Variants in ARHGAP10 observed in about 807,000 individuals in gnomAD.
ARHGAP10 encodes Rho GTPase activating protein 10, also known as rho GTPase-activating protein 10.
A neutral mutation model predicts 108.6 loss-of-function variants in ARHGAP10; 87 were observed. The ratio of observed to expected loss-of-function variants is 0.80; its 90% CI spans 0.67 to 0.96. ARHGAP10 has a LOEUF of 0.96. Among genes scored for constraint, ARHGAP10 ranks in the 40% least tolerant of loss-of-function variants. The pLI is 0.00. For synonymous variants in ARHGAP10, 347 were observed against 341.1 expected, an observed-to-expected ratio of 1.02 and a Z score of -0.19; for missense variants, 939 against 954.5, an observed-to-expected ratio of 0.98 and a Z score of 0.21.
intron 19 of ARHGAP10, among the ~76,000 whole-genome samples, chr4:148,032,147 T>A (rs1728174905): frequency 6.6e-6 from 1 of 152,062 alleles, no homozygotes; most frequent in Non-Finnish European, 1.5e-5. Context: ...AATAATATAT[T>A]ACCATATATG....
chr4:148,018,607 C>G (rs937721110), intron 18 of ARHGAP10, among the ~76,000 whole-genome samples: 1 of 150,612 alleles, frequency 6.6e-6, no homozygotes, highest in African/African-American at 2.4e-5. Context: ...ACTGGGGGCA[C>G]TGGAAGACAA....
chr4:147,734,577 A>G (rs745412245), intron 1 of ARHGAP10, among the ~76,000 whole-genome samples: 3 of 152,144 alleles, frequency 2.0e-5, no homozygotes, highest in East Asian at 1.9e-4. Context: ...TCTAGTTCCT[A>G]TCAAAGACTA....
intron 4 of ARHGAP10, 40 bp downstream of exon 4, chr4:147,847,262 C>T (rs757262672): frequency 2.6e-6 from 4 of 1,512,252 alleles, no homozygotes; most frequent in Non-Finnish European, 3.7e-6. Flanking sequence ...AACATAGATG[C>T]CTCTGCTGCT....
chr4:148,006,207 T>C (rs1740943168), intron 18 of ARHGAP10, among the ~76,000 whole-genome samples: 1 of 152,160 alleles, frequency 6.6e-6, no homozygotes, highest in Non-Finnish European at 1.5e-5. Context: ...AGGAAGCCCA[T>C]GCTCACCGTG....
At chr4:147,901,914 G>T (rs1736265290) in intron 10 of ARHGAP10, among the ~76,000 whole-genome samples, 1 of 152,100 alleles carries the variant, frequency 6.6e-6, no homozygotes, top group South Asian at 2.1e-4. Context: ...AACTTTAGGG[G>T]AAAACAAAAA....
chr4:147,907,044 A>G (rs1325428775), intron 11 of ARHGAP10, among the ~76,000 whole-genome samples: 1 of 152,178 alleles, frequency 6.6e-6, no homozygotes, highest in African/African-American at 2.4e-5. Context: ...AATGCCTGCA[A>G]TGCATTTTGA....
intron 18 of ARHGAP10, among the ~76,000 whole-genome samples, chr4:147,967,317 C>T (rs1475893591): frequency 6.6e-6 from 1 of 152,316 alleles, no homozygotes; most frequent in Admixed American, 6.5e-5. Flanking sequence ...TGAAGCCAGC[C>T]CCTGCTCTGC....
intron 1 of ARHGAP10, among the ~76,000 whole-genome samples, chr4:147,749,204 C>G (rs1729047895): frequency 6.6e-6 from 1 of 152,096 alleles, no homozygotes; most frequent in Admixed American, 6.5e-5. Flanking sequence ...GACTGTGATT[C>G]CTGTAGCTTG....
intron 20 of ARHGAP10, among the ~76,000 whole-genome samples, chr4:148,050,300 A>C (rs1729074143): frequency 1.4e-5 from 2 of 139,134 alleles, no homozygotes; most frequent in South Asian, 2.3e-4. Flanking sequence ...TGGAAATCTC[A>C]TTTCTTTCTC....
chr4:147,732,247 C>G lies in ARHGAP10; in HGVS notation c.-55C>G. 6.7e-7 allele frequency: 1 copy of G among 1,487,516 alleles called. No individual in the cohort carries two copies. The highest frequency in any genetic ancestry group is 8.9e-7 in the Non-Finnish European group (1 of 1,127,696). The allele number at this position is 1,487,516 out of a possible 1,614,324, so 92.1% of individuals were successfully genotyped here. A position where few individuals can be genotyped will look rare whatever the true frequency, so the allele number is the denominator to read the frequency against. On this transcript the variant is annotated 5_prime_UTR_variant, in exon 1 of 23. Transcript: ENST00000336498. ...GCCGCACCTGGCAGCGGCCTCGGAG[C>G]TCGGCTCGGGCAGGAGCGCGCGGCC...
rs1297784123 is a variant in ARHGAP10 at position 148,072,489 on chromosome 4, A to G, written c.*408A>G. On this transcript the variant is annotated 3_prime_UTR_variant, in exon 23 of 23. Transcript: ENST00000336498. The stretch of plus-strand genomic sequence containing the variant: ...CTGCGATTTTAAAGGGAACTGTACT[A>G]CTCGCAGTGATAGGTTTGCAGAGTG... 1 of 171,594 alleles carries G rather than the reference A, an allele frequency of 5.8e-6. No homozygotes were observed. The highest frequency in any genetic ancestry group is 1.2e-5 in the Non-Finnish European group (1 of 81,536). The allele number at this position is 171,594 out of a possible 1,614,324, so 10.6% of individuals were successfully genotyped here.
At chr4:147,804,630 C>T (rs916578986) in intron 1 of ARHGAP10, among the ~76,000 whole-genome samples, 2 of 152,194 alleles carry the variant, frequency 1.3e-5, no homozygotes, top group African/African-American at 2.4e-5. Flanking sequence ...TCCCTTTTCT[C>T]CACAGCCTTG....
In ARHGAP10 at chr4:147,983,069, TG is replaced by T. The variant is rs72522237; in HGVS notation, c.1716+16235del. Among the ~76,000 whole-genome samples the T allele has an allele frequency of 3.3e-5, 5 of 152,024 alleles. 1 individual carries two copies. In the South Asian group the frequency reaches 1.0e-3, roughly 32 times the overall value. ...TAAGTTTTTGCATTTTTTGTAGAGATGGGGGTCTCACCATGTTGCCTAGCCT... is the reference window on the plus strand; with the variant it reads ...TAAGTTTTTGCATTTTTTGTAGAGATGGGGTCTCACCATGTTGCCTAGCCT... On this transcript the variant is annotated intron_variant, in intron 18 of 22. Transcript: ENST00000336498.
intron 16 of ARHGAP10, among the ~76,000 whole-genome samples, chr4:147,957,173 T>C (rs1182005753): frequency 2.0e-5 from 3 of 152,188 alleles, no homozygotes; most frequent in Non-Finnish European, 4.4e-5. Context: ...ACTGTAATCA[T>C]TGGCATGGAT....
chr4:148,034,295 G>C (rs947626376), intron 19 of ARHGAP10, among the ~76,000 whole-genome samples: 7 of 152,070 alleles, frequency 4.6e-5, no homozygotes, highest in African/African-American at 1.7e-4. Flanking sequence ...AAGTTTGTTG[G>C]TAACTAGCAT....
chr4:147,878,022 C>A (rs371348656), intron 8 of ARHGAP10, among the ~76,000 whole-genome samples: 1 of 150,166 alleles, frequency 6.7e-6, no homozygotes, highest in Non-Finnish European at 1.5e-5. Flanking sequence ...CTGCAACTTC[C>A]GCCTCCTGGG....
At chr4:147,937,362 G>C (rs941304127) in intron 13 of ARHGAP10, among the ~76,000 whole-genome samples, 1 of 151,910 alleles carries the variant, frequency 6.6e-6, no homozygotes, top group Non-Finnish European at 1.5e-5. Context: ...CCACCCTGGT[G>C]ACCTCATTTT....
chr4:147,785,145 C>G (rs545229690), intron 1 of ARHGAP10, among the ~76,000 whole-genome samples: 5 of 142,986 alleles, frequency 3.5e-5, no homozygotes, highest in Non-Finnish European at 7.6e-5. Context: ...TGAATATTGA[C>G]TTGTTTAGCT....
chr4:147,892,963 G>A (rs1735844196), intron 10 of ARHGAP10, among the ~76,000 whole-genome samples: 1 of 152,144 alleles, frequency 6.6e-6, no homozygotes. Flanking sequence ...AACATCATCT[G>A]CTCCAAAATG....
Sources: allele counts gnomAD v4.1 joint callset (sites outside exome capture counted in the v4.1 genomes callset), GRCh38; gene constraint gnomAD v4.1.1; transcripts MANE v1.5; gene names NCBI Gene and HGNC (gene_info 2026-07-23, HGNC 2026-07-21).